The following NDFIP1 variants were observed in gnomAD, a reference collection of about 807,000 sequenced individuals.
NDFIP1 encodes the protein Nedd4 family interacting protein 1.
In NDFIP1, 7 loss-of-function variants were observed where a neutral mutation model predicts 28.8. The ratio of observed to expected loss-of-function variants is 0.24; its 90% CI spans 0.14 to 0.46. The LOEUF is 0.46. Among genes scored for constraint, NDFIP1 ranks in the 20% least tolerant of loss-of-function variants. The pLI, the probability that NDFIP1 is intolerant of heterozygous loss-of-function variation, is 0.99. For synonymous variants in NDFIP1, 92 were observed against 101.0 expected (o/e 0.91, Z 0.53); for missense variants, 194 against 269.1 (o/e 0.72, Z 1.95).
At position 142,137,715 on chromosome 5, in the gene NDFIP1, CCCT is replaced by C. The variant is rs754165267; in HGVS notation, c.371-14_371-12del. On this transcript the variant is annotated splice_polypyrimidine_tract_variant and intron_variant, in intron 4 of 7. Coordinates refer to ENST00000253814, the MANE Select transcript of NDFIP1 (RefSeq NM_030571.4). ...TAACAGGACATGTCTAACATCTTTCCCCTCCTCTGCTTTTGCAGTGGCATTCCT... is the reference window on the plus strand; with the variant it reads ...TAACAGGACATGTCTAACATCTTTCCCCTCTGCTTTTGCAGTGGCATTCCT... 1.2e-6 allele frequency: 2 copies of C among 1,613,318 alleles called. No homozygotes were observed. Among genetic ancestry groups the C allele is most frequent in the Non-Finnish European group, 1.7e-6 (2 of 1,179,522 alleles).
At chr5:142,129,215 T>C (rs1052405841) in intron 1 of NDFIP1, among the ~76,000 whole-genome samples, 1 of 152,240 alleles carries the variant, frequency 6.6e-6, no homozygotes, top group East Asian at 1.9e-4. Context: ...CTTCTTTTGG[T>C]GACCTTCCCA....
At chr5:142,139,321 T>A (rs2126920654) in intron 5 of NDFIP1, among the ~76,000 whole-genome samples, 1 of 152,318 alleles carries the variant, frequency 6.6e-6, no homozygotes, top group East Asian at 1.9e-4. Flanking sequence ...AAAAAATTTT[T>A]AATTGTTTTT....
At chr5:142,140,448 CA>C (rs71576132) in intron 5 of NDFIP1, 114 bp from the exon 6 acceptor site, 86,311 of 512,166 alleles carry the variant, frequency 0.17, 132 homozygotes, top group South Asian at 0.18. Flanking sequence ...AACTCCGTCT[CA>C]AAAAAAAAAA....
At position 142,145,703 on chromosome 5, in the gene NDFIP1, G is replaced by A. The variant is rs535937865; in HGVS notation, c.*2+1027G>A. Reference sequence around the variant, plus strand: ...AGCAGCTTGATTGGGGCATAAAGGAGTATTGAGGGTCAAGGCTAAAAAGTC... The same window carrying A: ...AGCAGCTTGATTGGGGCATAAAGGAATATTGAGGGTCAAGGCTAAAAAGTC... On this transcript the variant is annotated intron_variant, in intron 7 of 7. Coordinates refer to ENST00000253814, the MANE Select transcript of NDFIP1 (RefSeq NM_030571.4). 1.3e-3 allele frequency among the ~76,000 whole-genome samples: 199 copies of A among 152,200 alleles called. 2 individuals carry two copies. Among genetic ancestry groups the A allele is most frequent in the Non-Finnish European group, 7.9e-4 (54 of 68,008 alleles).
chr5:142,138,007 C>T, intron 5 of NDFIP1, 149 bp downstream of exon 5: 1 of 959,264 alleles, frequency 1.0e-6, no homozygotes, highest in Non-Finnish European at 1.5e-6. Context: ...TGAAGCTGAA[C>T]CAAAATCATT....
chr5:142,110,295 T>C (rs1247202888), intron 1 of NDFIP1, among the ~76,000 whole-genome samples: 2 of 152,220 alleles, frequency 1.3e-5, no homozygotes, highest in Non-Finnish European at 2.9e-5. Flanking sequence ...ATGCTTTTTT[T>C]CTATGACCTT....
At position 142,108,944 on chromosome 5, in the gene NDFIP1, C is replaced by T; in HGVS notation, c.-31C>T. 7.0e-7 allele frequency: 1 copy of T among 1,427,210 alleles called. No homozygotes were observed. The highest frequency in any genetic ancestry group is 9.2e-7 in the Non-Finnish European group (1 of 1,092,668). 88.4% of individuals were successfully genotyped at this position (1,427,210 alleles called of 1,614,324 possible). A position where few individuals can be genotyped will look rare whatever the true frequency, so the allele number is the denominator to read the frequency against. On this transcript the variant is annotated 5_prime_UTR_variant, in exon 1 of 8. Transcript: ENST00000253814. ...CGCGCCCCTTCAGCTAGCTCGCTCG[C>T]TCGCTCTGCTTCCCTGCTGCCGGCT...
At chr5:142,113,629 T>G (rs549474285) in intron 1 of NDFIP1, among the ~76,000 whole-genome samples, 1 of 152,342 alleles carries the variant, frequency 6.6e-6, no homozygotes, top group Non-Finnish European at 1.5e-5. Flanking sequence ...TTAAGTACAT[T>G]CACATTGTTG....
chr5:142,121,361 T>C (rs909417546), intron 1 of NDFIP1, among the ~76,000 whole-genome samples: 1 of 152,234 alleles, frequency 6.6e-6, no homozygotes, highest in Non-Finnish European at 1.5e-5. Flanking sequence ...CTTTCTAAAA[T>C]TGGTAACTAT....
chr5:142,111,226 ATGTAT>A (rs1283828926), intron 1 of NDFIP1, among the ~76,000 whole-genome samples: 26 of 150,934 alleles, frequency 1.7e-4, no homozygotes, highest in African/African-American at 6.3e-4. Flanking sequence ...TATCATGCAC[ATGTAT>A]CTACAAAGGC....
intron 5 of NDFIP1, 118 bp downstream of exon 5, chr5:142,137,976 G>T: frequency 1.5e-6 from 2 of 1,329,514 alleles, no homozygotes; most frequent in South Asian, 1.7e-5. Context: ...AATGATTTTT[G>T]GTTTGTCTGT....
chr5:142,142,230 T>G (rs973081630), intron 6 of NDFIP1, among the ~76,000 whole-genome samples: 1 of 152,148 alleles, frequency 6.6e-6, no homozygotes, highest in African/African-American at 2.4e-5. Context: ...CATAAATCAT[T>G]CATCGCACCA....
At chr5:142,109,083 G>C (rs1756983981) in intron 1 of NDFIP1, 46 bp downstream of exon 1, 2 of 1,308,606 alleles carry the variant, frequency 1.5e-6, no homozygotes, top group Non-Finnish European at 1.9e-6. Context: ...CCCTGGCTCT[G>C]CCCTGCCCGC....
intron 1 of NDFIP1, among the ~76,000 whole-genome samples, chr5:142,115,837 A>T (rs1262846899): frequency 6.6e-6 from 1 of 152,216 alleles, no homozygotes; most frequent in Non-Finnish European, 1.5e-5. Context: ...ACATTCGCAG[A>T]TTCAACCAAC....
chr5:142,117,627 A>G (rs986610515), intron 1 of NDFIP1, among the ~76,000 whole-genome samples: 1 of 151,956 alleles, frequency 6.6e-6, no homozygotes, highest in Non-Finnish European at 1.5e-5. Flanking sequence ...CATGTGCTAG[A>G]TTCAAACAGT....
At position 142,125,977 on chromosome 5, in the gene NDFIP1, T is replaced by A. The variant is rs536210901; in HGVS notation, c.64-5831T>A. On this transcript the variant is annotated intron_variant, in intron 1 of 7. Coordinates refer to ENST00000253814, the MANE Select transcript of NDFIP1 (RefSeq NM_030571.4). ...TTGCCTTTTTATTGTTTAGTCTCTCTTATCTTGTCAGAATTATTTAAAATA... is the reference window on the plus strand; with the variant it reads ...TTGCCTTTTTATTGTTTAGTCTCTCATATCTTGTCAGAATTATTTAAAATA... Among the ~76,000 whole-genome samples the A allele has an allele frequency of 3.8e-3, 577 of 152,330 alleles. 3 individuals are homozygous for A. The highest frequency in any genetic ancestry group is 6.5e-3 in the Non-Finnish European group (439 of 68,026).
chr5:142,117,852 A>C (rs1480901312), intron 1 of NDFIP1, among the ~76,000 whole-genome samples: 2 of 150,184 alleles, frequency 1.3e-5, no homozygotes, highest in African/African-American at 4.9e-5. Flanking sequence ...CTTGGCTTTA[A>C]ATGTTTTTTA....
At chr5:142,141,498 ATATT>A (rs897634310) in intron 6 of NDFIP1, among the ~76,000 whole-genome samples, 2 of 151,920 alleles carry the variant, frequency 1.3e-5, no homozygotes, top group Admixed American at 6.6e-5. Flanking sequence ...TTTACTCTAA[ATATT>A]TATTTTTAAA....
At chr5:142,140,994 C>T (rs1757323377) in intron 6 of NDFIP1, among the ~76,000 whole-genome samples, 1 of 152,044 alleles carries the variant, frequency 6.6e-6, no homozygotes, top group African/African-American at 2.4e-5. Context: ...TTACTGCAGC[C>T]AGTTGAACTA....
Sources: gnomAD v4.1 joint callset for allele counts (sites outside exome capture counted in the v4.1 genomes callset) on GRCh38, gnomAD v4.1.1 for gene constraint, MANE v1.5 for transcripts, NCBI Gene and HGNC (gene_info 2026-07-23, HGNC 2026-07-21) for gene names.